The following KCNAB1 variants were observed in gnomAD, a reference collection of about 807,000 sequenced individuals.
KCNAB1 encodes the protein potassium voltage-gated channel subfamily A regulatory beta subunit 1.
Under a neutral mutation model 64.6 loss-of-function variants are expected in KCNAB1, and 35 were observed. That is an observed-to-expected ratio of 0.54 (90% CI 0.41 to 0.72). The LOEUF is 0.72. Among genes scored for constraint, KCNAB1 ranks in the 30% least tolerant of loss-of-function variants. The pLI is 0.00. For missense variants in KCNAB1, 401 were observed against 512.9 expected (o/e 0.78, Z 2.11); for synonymous variants, 177 against 183.8 (o/e 0.96, Z 0.30).
At chr3:156,295,934 G>A (rs1168744094) in intron 1 of KCNAB1, among the ~76,000 whole-genome samples, 1 of 152,112 alleles carries the variant, frequency 6.6e-6, no homozygotes, top group Non-Finnish European at 1.5e-5. Flanking sequence ...AGTCTACTCT[G>A]CTATCAAACA....
chr3:156,532,460 A>G lies in KCNAB1; in HGVS notation c.1170+963A>G, dbSNP rs567416528. ...AAGGTTATCTATTTTTCTCTTGCTC[A>G]TGGAGGAAAAGAACTGTCTCACAGC... On this transcript the variant is annotated intron_variant, in intron 13 of 13. Coordinates refer to ENST00000490337, the MANE Select transcript of KCNAB1 (RefSeq NM_172160.3). Among the ~76,000 whole-genome samples the G allele has an allele frequency of 5.9e-5, 9 of 152,318 alleles. No individual in the cohort carries two copies. The South Asian group carries it at 1.9e-3, about 32-fold the overall frequency.
chr3:156,141,116 A>G (rs1714680662), intron 1 of KCNAB1, among the ~76,000 whole-genome samples: 1 of 152,118 alleles, frequency 6.6e-6, no homozygotes, highest in African/African-American at 2.4e-5. Flanking sequence ...ATGCAGGTAT[A>G]AGCAGCAATA....
intron 1 of KCNAB1, among the ~76,000 whole-genome samples, chr3:156,237,997 G>A (rs957847093): frequency 2.0e-5 from 3 of 152,146 alleles, no homozygotes; most frequent in Non-Finnish European, 4.4e-5. Flanking sequence ...GAATAGATAA[G>A]GAAATGACTG....
At chr3:156,321,018 A>G (rs1722620297) in intron 1 of KCNAB1, among the ~76,000 whole-genome samples, 1 of 152,148 alleles carries the variant, frequency 6.6e-6, no homozygotes, top group Admixed American at 6.5e-5. Context: ...CAAACAGACA[A>G]AACTCCAATA....
At chr3:156,260,278 T>C (rs1191180504) in intron 1 of KCNAB1, among the ~76,000 whole-genome samples, 4 of 152,222 alleles carry the variant, frequency 2.6e-5, no homozygotes, top group African/African-American at 9.6e-5. Context: ...TATTAAGGTA[T>C]AATTTATATA....
intron 13 of KCNAB1, among the ~76,000 whole-genome samples, chr3:156,535,515 C>T (rs547046146): frequency 2.0e-5 from 3 of 152,266 alleles, no homozygotes; most frequent in African/African-American, 7.2e-5. Flanking sequence ...TCCAGTCCTC[C>T]GGCAGCTACT....
chr3:156,450,199 T>C lies in KCNAB1; in HGVS notation c.320-2700T>C, dbSNP rs140471497. Among the ~76,000 whole-genome samples, 218 of 152,330 alleles carry C rather than the reference T, an allele frequency of 1.4e-3. 1 individual carries two copies. The highest frequency in any genetic ancestry group is 5.0e-3 in the African/African-American group (208 of 41,566). On this transcript the variant is annotated intron_variant, in intron 2 of 13. Coordinates refer to ENST00000490337, the MANE Select transcript of KCNAB1 (RefSeq NM_172160.3). ...CAAAATAGTGCCACCTATGGGCTGTTACTTGACCGGCCTGACATTAACTCC... is the reference window on the plus strand; with the variant it reads ...CAAAATAGTGCCACCTATGGGCTGTCACTTGACCGGCCTGACATTAACTCC...
intron 1 of KCNAB1, among the ~76,000 whole-genome samples, chr3:156,329,944 C>T (rs746273017): frequency 5.3e-5 from 8 of 151,986 alleles, no homozygotes; most frequent in African/African-American, 7.3e-5. Flanking sequence ...ATCAACCCCA[C>T]GGAAAATGGG....
chr3:156,139,590 T>TTG (rs1464718609), intron 1 of KCNAB1, among the ~76,000 whole-genome samples: 18 of 144,384 alleles, frequency 1.2e-4, no homozygotes, highest in South Asian at 2.2e-4. Flanking sequence ...CTGTGTTTTT[T>TTG]TTTTTTTTTT....
intron 1 of KCNAB1, among the ~76,000 whole-genome samples, chr3:156,342,226 A>G (rs1724168392): frequency 6.6e-6 from 1 of 152,210 alleles, no homozygotes; most frequent in South Asian, 2.1e-4. Flanking sequence ...CACCTCAACC[A>G]CAGGTGGTGC....
At position 156,442,084 on chromosome 3, in the gene KCNAB1, A is replaced by C. The variant is rs138992529; in HGVS notation, c.320-10815A>C. ...GACTTTTTGGCTTTATTTTATTTTA[A>C]ATTTCCCTATCAGGCTCAAGATGCT... On this transcript the variant is annotated intron_variant, in intron 2 of 13. Coordinates refer to ENST00000490337, the MANE Select transcript of KCNAB1 (RefSeq NM_172160.3). 7.1e-3 allele frequency among the ~76,000 whole-genome samples: 1,078 copies of C among 152,300 alleles called. 15 individuals carry two copies. Among genetic ancestry groups the C allele is most frequent in the African/African-American group, 0.025 (1,036 of 41,554 alleles).
At chr3:156,153,018 G>T (rs1019072410) in intron 1 of KCNAB1, among the ~76,000 whole-genome samples, 2 of 152,128 alleles carry the variant, frequency 1.3e-5, no homozygotes, top group East Asian at 3.8e-4. Flanking sequence ...TTCCAAAAGG[G>T]CAGGGATTTT....
At chr3:156,479,457 AC>A (rs1279544268) in intron 8 of KCNAB1, among the ~76,000 whole-genome samples, 1 of 152,008 alleles carries the variant, frequency 6.6e-6, no homozygotes, top group African/African-American at 2.4e-5. Flanking sequence ...TCATTCCCAA[AC>A]ACCAGGCTAA....
chr3:156,367,776 AG>A (rs1461034393), intron 1 of KCNAB1, among the ~76,000 whole-genome samples: 1 of 152,212 alleles, frequency 6.6e-6, no homozygotes, highest in Non-Finnish European at 1.5e-5. Context: ...AGAAATGCAA[AG>A]GAACTCTGTC....
chr3:156,531,493 T>C lies in KCNAB1; in HGVS notation c.1166T>C (p.Ile389Thr), dbSNP rs1718698351. 5.0e-6 allele frequency: 8 copies of C among 1,610,194 alleles called. No individual in the cohort carries two copies. Among genetic ancestry groups the C allele is most frequent in the Non-Finnish European group, 6.8e-6 (8 of 1,176,530 alleles). Reference protein sequence around the residue: ...PEQLIENLGAIQVLPKMTSHV... With the variant: ...PEQLIENLGATQVLPKMTSHV... The stretch of plus-strand genomic sequence containing the variant: ...CAACTCATTGAAAACCTTGGTGCCA[T>C]TCAGGCAAGTACTGCAGCCCCTTCC... Residue 389 changes from isoleucine (I) to threonine (T), a missense_variant, in exon 13 of 14, where the codon ATT (isoleucine) becomes ACT (threonine). Ile to Thr is a moderately conservative substitution (Grantham distance 89). Coordinates refer to ENST00000490337, the MANE Select transcript of KCNAB1 (RefSeq NM_172160.3).
At chr3:156,153,600 T>G (rs959634754) in intron 1 of KCNAB1, among the ~76,000 whole-genome samples, 4 of 152,192 alleles carry the variant, frequency 2.6e-5, no homozygotes, top group Non-Finnish European at 5.9e-5. Flanking sequence ...CCCTCCCCAC[T>G]GTGGTTGGGC....
chr3:156,265,267 G>T (rs1560165310), intron 1 of KCNAB1, among the ~76,000 whole-genome samples: 1 of 152,084 alleles, frequency 6.6e-6, no homozygotes, highest in Non-Finnish European at 1.5e-5. Flanking sequence ...TAATTTTTAG[G>T]GGTTTTATCA....
intron 1 of KCNAB1, among the ~76,000 whole-genome samples, chr3:156,196,670 A>G (rs1204174373): frequency 1.3e-5 from 2 of 152,144 alleles, no homozygotes; most frequent in Non-Finnish European, 1.5e-5. Context: ...GTATCCTGAG[A>G]CTTTGCTGAA....
intron 2 of KCNAB1, among the ~76,000 whole-genome samples, chr3:156,434,187 G>C (rs1324886303): frequency 6.6e-6 from 1 of 152,084 alleles, no homozygotes; most frequent in Non-Finnish European, 1.5e-5. Context: ...TGTGTGATTG[G>C]GAGTCATGAA....
Sources: allele counts gnomAD v4.1 joint callset (sites outside exome capture counted in the v4.1 genomes callset), GRCh38; gene constraint gnomAD v4.1.1; transcripts MANE v1.5; gene names NCBI Gene and HGNC (gene_info 2026-07-23, HGNC 2026-07-21).